LBH: variants seen among roughly 807,000 people sequenced by gnomAD.
The protein encoded by LBH is LBH regulator of Wnt signaling pathway.
In LBH, 7 loss-of-function variants were observed where a neutral mutation model predicts 12.5. The ratio of observed to expected loss-of-function variants is 0.56; its 90% CI spans 0.32 to 1.05. The LOEUF (loss-of-function observed/expected upper bound fraction) is 1.05, where lower values mean the gene tolerates loss of function less well. LBH is among the 50% of genes least tolerant of loss of function. The pLI is 0.04. For missense variants in LBH, 119 were observed against 138.9 expected, an observed-to-expected ratio of 0.86 and a Z score of 0.72; for synonymous variants, 51 against 50.1, an observed-to-expected ratio of 1.02 and a Z score of -0.08.
chr2:30,249,613 A>G (rs1196452485), intron 2 of LBH, among the ~76,000 whole-genome samples: 1 of 152,134 alleles, frequency 6.6e-6, no homozygotes, highest in Non-Finnish European at 1.5e-5. Flanking sequence ...ACAGAGCCAC[A>G]GGGAGGGAAG....
At chr2:30,243,634 GA>G (rs1458329199) in intron 2 of LBH, among the ~76,000 whole-genome samples, 21 of 149,966 alleles carry the variant, frequency 1.4e-4, no homozygotes, top group South Asian at 1.3e-3. Context: ...TGGTTCAAGT[GA>G]TTTTCCTGCC....
intron 1 of LBH, chr2:30,232,275 C>T (rs1339063033): frequency 2.0e-6 from 3 of 1,493,474 alleles, no homozygotes; most frequent in Non-Finnish European, 2.7e-6. Flanking sequence ...ACACGTAACC[C>T]CACTAAAGCC....
chr2:30,231,753 C>A lies in LBH; in HGVS notation c.15C>A (p.Phe5Leu). 6.3e-7 allele frequency: 1 copy of A among 1,582,470 alleles called. No individual in the cohort carries two copies. Among genetic ancestry groups the A allele is most frequent in the Non-Finnish European group, 8.6e-7 (1 of 1,165,582 alleles). Residue 5 changes from phenylalanine to leucine, a missense_variant, in exon 1 of 3, where the codon TTC (phenylalanine) becomes TTA (leucine). Physicochemically the swap from Phe to Leu is conservative, Grantham distance 22 (BLOSUM62 0). Transcript: ENST00000395323. ...CCTAGGACTTCATGTCTATATATTTCCCCATTCACTGGTGAGTACCCTGCG... is the reference window on the plus strand; with the variant it reads ...CCTAGGACTTCATGTCTATATATTTACCCATTCACTGGTGAGTACCCTGCG... MSIY[F>L]PIHCPDYLRS...
At chr2:30,249,478 G>A (rs1677935145) in intron 2 of LBH, among the ~76,000 whole-genome samples, 1 of 152,218 alleles carries the variant, frequency 6.6e-6, no homozygotes, top group Admixed American at 6.5e-5. Flanking sequence ...TTGGGAAGCT[G>A]AGGGGCAGGC....
chr2:30,244,766 C>T lies in LBH; in HGVS notation c.129+10259C>T, dbSNP rs147273212. Among the ~76,000 whole-genome samples, 542 of 152,030 alleles carry T rather than the reference C, an allele frequency of 3.6e-3. 2 individuals are homozygous for T. The highest frequency in any genetic ancestry group is 0.012 in the African/African-American group (501 of 41,466). On this transcript the variant is annotated intron_variant, in intron 2 of 2. Coordinates refer to ENST00000395323, the MANE Select transcript of LBH (RefSeq NM_030915.4). ...CAAATACAAAAAAAAATTAGCCAGG[C>T]GTGGTGGTGTGCACCCGTAGTCCCA...
chr2:30,252,368 C>T (rs1313582906), intron 2 of LBH, among the ~76,000 whole-genome samples: 1 of 152,150 alleles, frequency 6.6e-6, no homozygotes, highest in African/African-American at 2.4e-5. Context: ...GGCAATTAAA[C>T]CTCTTTCCTT....
chr2:30,256,653 A>C (rs1368907864), intron 2 of LBH: 3 of 152,040 alleles, frequency 2.0e-5, no homozygotes, highest in Non-Finnish European at 2.9e-5. Flanking sequence ...AGTAGCTGGG[A>C]ATACAGGCGC....
At chr2:30,255,728 T>G (rs977289685) in intron 2 of LBH, among the ~76,000 whole-genome samples, 2 of 152,074 alleles carry the variant, frequency 1.3e-5, no homozygotes, top group Non-Finnish European at 2.9e-5. Context: ...ACCACAGAAG[T>G]TGGGAAGGCC....
chr2:30,232,511 T>G, intron 1 of LBH: 2 of 278,002 alleles, frequency 7.2e-6, no homozygotes. Context: ...GGGACTTCCT[T>G]GCTGGCAGTT....
chr2:30,246,280 A>C (rs116830747), intron 2 of LBH, among the ~76,000 whole-genome samples: 1,589 of 152,114 alleles, frequency 0.01, 30 homozygotes, highest in African/African-American at 0.036. Context: ...ACTGAGGATT[A>C]TTTCTCCAGG....
chr2:30,233,102 C>A (rs777944104), intron 1 of LBH: 1 of 152,214 alleles, frequency 6.6e-6, no homozygotes, highest in African/African-American at 2.4e-5. Flanking sequence ...CTGTTGGAGG[C>A]TTTGTGCCTT....
chr2:30,256,053 C>A (rs1237323003), intron 2 of LBH, among the ~76,000 whole-genome samples: 1 of 152,172 alleles, frequency 6.6e-6, no homozygotes, highest in Non-Finnish European at 1.5e-5. Context: ...ACAGAGGCTT[C>A]TCTCTCTAGC....
rs2103564878 is a variant in LBH at position 30,257,548 on chromosome 2, C to G, written c.245C>G (p.Pro82Arg). The G allele has an allele frequency of 6.2e-7, 1 of 1,614,184 alleles. No individual in the cohort carries two copies. The highest frequency in any genetic ancestry group is 1.7e-4 in the Middle Eastern group (1 of 6,060). ...GAGAGCGGGGAGCTCCGGTGGCCCC[C>G]TGAGGAGTTCCTGGTCCAGGAGGAT... ...EVESGELRWP[P>R]EEFLVQEDEQ... Residue 82 changes from proline to arginine, a missense_variant, in exon 3 of 3, where the codon CCT becomes CGT. Transcript: ENST00000395323.
intron 2 of LBH, among the ~76,000 whole-genome samples, chr2:30,240,251 A>G (rs961947527): frequency 3.9e-5 from 6 of 152,242 alleles, no homozygotes; most frequent in Non-Finnish European, 2.9e-5. Context: ...CATGAAGCCA[A>G]TTTTTATAGG....
chr2:30,236,893 G>A (rs1211858940), intron 2 of LBH, among the ~76,000 whole-genome samples: 2 of 152,220 alleles, frequency 1.3e-5, no homozygotes, highest in African/African-American at 4.8e-5. Context: ...CTAAGGTAAT[G>A]TTCTTGCACC....
chr2:30,256,784 C>T (rs11690435), intron 2 of LBH: 38,482 of 153,116 alleles, frequency 0.25, 5,150 homozygotes, highest in Middle Eastern at 0.32. Context: ...CCTCAGCATC[C>T]GAAAGCACTG....
intron 2 of LBH, chr2:30,256,751 C>A (rs560616324): frequency 6.5e-6 from 1 of 153,084 alleles, no homozygotes; most frequent in African/African-American, 2.4e-5. Flanking sequence ...TGGTCTCGAT[C>A]TCCTGACCTC....
intron 2 of LBH, among the ~76,000 whole-genome samples, chr2:30,255,160 G>A (rs1242710855): frequency 6.6e-6 from 1 of 152,254 alleles, no homozygotes; most frequent in African/African-American, 2.4e-5. Context: ...GACCTGTAGT[G>A]GGCTTCCCTC....
intron 2 of LBH, among the ~76,000 whole-genome samples, chr2:30,235,160 G>A (rs148722178): frequency 1.9e-3 from 295 of 152,268 alleles, no homozygotes; most frequent in African/African-American, 6.8e-3. Context: ...TGAGCCCTCT[G>A]GACTCTTACC....
Sources: gnomAD v4.1 joint callset for allele counts (sites outside exome capture counted in the v4.1 genomes callset) on GRCh38, gnomAD v4.1.1 for gene constraint, MANE v1.5 for transcripts, NCBI Gene and HGNC (gene_info 2026-07-23, HGNC 2026-07-21) for gene names.